EPB41: variants seen among roughly 807,000 people sequenced by gnomAD.
The protein encoded by EPB41 is protein 4.1.
Under a neutral mutation model 108.0 loss-of-function variants are expected in EPB41, and 65 were observed. The observed-to-expected ratio is 0.60, with a 90% CI of 0.49 to 0.74. The LOEUF is 0.74. Among genes scored for constraint, EPB41 ranks in the 30% least tolerant of loss-of-function variants. EPB41 has a pLI of 0.00. For synonymous variants in EPB41, 336 were observed against 358.9 expected (o/e 0.94, Z 0.72); for missense variants, 875 against 1,037.0 (o/e 0.84, Z 2.15).
Position 29,119,898 on chromosome 1 carries a change from G to C in EPB41, c.*3086G>C, listed in dbSNP as rs1049275841. ...AATAGGAACTCGGGCAGCAGAATCA[G>C]ATTGGCAGAATCTTTAGACTACACA... On this transcript the variant is annotated 3_prime_UTR_variant, in exon 21 of 21. Coordinates refer to ENST00000343067, the MANE Select transcript of EPB41 (RefSeq NM_001376013.1). 1 of 152,644 alleles carries C rather than the reference G, an allele frequency of 6.6e-6. No individual in the cohort carries two copies. The highest frequency in any genetic ancestry group is 2.4e-5 in the African/African-American group (1 of 41,464). The allele number at this position is 152,644 out of a possible 1,614,324, so 9.5% of individuals were successfully genotyped here.
intron 1 of EPB41, among the ~76,000 whole-genome samples, chr1:28,898,743 C>T (rs550707026): frequency 3.1e-4 from 47 of 152,368 alleles, no homozygotes; most frequent in East Asian, 1.2e-3. Flanking sequence ...GCCCCTTGCC[C>T]GCCTTGGCCT....
At chr1:29,048,594 A>G (rs1227049277) in intron 11 of EPB41, among the ~76,000 whole-genome samples, 1 of 152,212 alleles carries the variant, frequency 6.6e-6, no homozygotes. Flanking sequence ...ATTTCTTACA[A>G]CTTAACCTTA....
chr1:28,891,495 C>T (rs942445310), intron 1 of EPB41, among the ~76,000 whole-genome samples: 1 of 152,166 alleles, frequency 6.6e-6, no homozygotes, highest in Non-Finnish European at 1.5e-5. Flanking sequence ...CTGGGTTGGC[C>T]ACTTAACTAG....
At chr1:29,116,462 G>A (rs1399759157) in intron 20 of EPB41, among the ~76,000 whole-genome samples, 2 of 152,000 alleles carry the variant, frequency 1.3e-5, no homozygotes, top group Non-Finnish European at 2.9e-5. Context: ...CCAGTCACAG[G>A]TATCTTTGAG....
At chr1:29,031,570 A>T (rs1461376569) in intron 8 of EPB41, among the ~76,000 whole-genome samples, 2 of 152,144 alleles carry the variant, frequency 1.3e-5, no homozygotes, top group Admixed American at 1.3e-4. Context: ...TTCAGGCCCC[A>T]TCCCAGGCCT....
chr1:29,019,967 C>CGTG (rs2096623831), intron 7 of EPB41, among the ~76,000 whole-genome samples: 1 of 152,166 alleles, frequency 6.6e-6, no homozygotes, highest in South Asian at 2.1e-4. Context: ...TGACTTATTC[C>CGTG]AGTACCAATG....
chr1:29,009,369 C>T (rs1232303253), intron 4 of EPB41, among the ~76,000 whole-genome samples: 1 of 152,104 alleles, frequency 6.6e-6, no homozygotes, highest in South Asian at 2.1e-4. Flanking sequence ...GTAGCTTATA[C>T]CCTGGAGTCT....
At chr1:29,028,115 C>T (rs1359978511) in intron 7 of EPB41, among the ~76,000 whole-genome samples, 1 of 152,148 alleles carries the variant, frequency 6.6e-6, no homozygotes, top group Admixed American at 6.5e-5. Context: ...TGAGCCACCG[C>T]GCCAGGCCTG....
chr1:29,070,634 A>G, intron 16 of EPB41: 1 of 1,232,132 alleles, frequency 8.1e-7, no homozygotes, highest in Non-Finnish European at 1.0e-6. Flanking sequence ...CAGGGTGCTC[A>G]TCTGAAATGT....
chr1:29,003,990 T>C (rs1374401268), intron 4 of EPB41, among the ~76,000 whole-genome samples: 1 of 152,204 alleles, frequency 6.6e-6, no homozygotes, highest in Non-Finnish European at 1.5e-5. Context: ...CTTGAACTCC[T>C]GGCCTCAGGT....
chr1:28,968,981 C>G lies in EPB41; in HGVS notation c.-7-18450C>G, dbSNP rs1006836429. 5.6e-5 allele frequency among the ~76,000 whole-genome samples: 8 copies of G among 143,528 alleles called. 1 individual carries two copies. Among genetic ancestry groups the G allele is most frequent in the African/African-American group, 1.8e-4 (7 of 38,270 alleles). The allele number at this position is 143,528 out of a possible 152,430, so 94.2% of individuals were successfully genotyped here. Reference sequence around the variant, plus strand: ...CTCTGCCTCCAAAACCCCCCACCCCCCAAAAAAAAAACACAAACTAAATGA... The same window carrying G: ...CTCTGCCTCCAAAACCCCCCACCCCGCAAAAAAAAAACACAAACTAAATGA... On this transcript the variant is annotated intron_variant, in intron 1 of 20. Coordinates refer to ENST00000343067, the MANE Select transcript of EPB41 (RefSeq NM_001376013.1).
chr1:28,893,479 G>A (rs2090343177), intron 1 of EPB41: 2 of 152,254 alleles, frequency 1.3e-5, no homozygotes, highest in Admixed American at 1.3e-4. Flanking sequence ...AAGTACAGGG[G>A]CCATGTCTGT....
rs146978686 is a variant in EPB41, at chr1:29,087,661, C to A, written c.2185-10146C>A. Among the ~76,000 whole-genome samples, 3 of 152,234 alleles carry A rather than the reference C, an allele frequency of 2.0e-5. No homozygotes were observed. The East Asian group carries it at 5.8e-4, about 29-fold the overall frequency. On this transcript the variant is annotated intron_variant, in intron 16 of 20. Transcript: ENST00000343067. ...TAGGCGTGAGCCACTGCGCCCGGCC[C>A]ATATCCTGCTTTTAATAATATCTGG... is the stretch of plus-strand genomic sequence containing the variant.
chr1:29,106,259 C>A (rs1374190439), intron 17 of EPB41, among the ~76,000 whole-genome samples: 2 of 151,968 alleles, frequency 1.3e-5, no homozygotes, highest in East Asian at 1.9e-4. Context: ...CTAGAGGGAG[C>A]GGGCAGGAGG....
At position 29,093,331 on chromosome 1, in the gene EPB41, G is replaced by T. The variant is rs948966565; in HGVS notation, c.2185-4476G>T. Among the ~76,000 whole-genome samples the T allele has an allele frequency of 7.2e-5, 11 of 152,082 alleles. No homozygotes were observed. In the East Asian group the frequency reaches 1.7e-3, roughly 24 times the overall value. Reference sequence around the variant, plus strand: ...ATACTGAGCCTTTTTTCTTATGCTTGTTGGCCACATGCATGTCTTCTTTTG... The same window carrying T: ...ATACTGAGCCTTTTTTCTTATGCTTTTTGGCCACATGCATGTCTTCTTTTG... On this transcript the variant is annotated intron_variant, in intron 16 of 20. Transcript: ENST00000343067.
chr1:28,932,459 C>T lies in EPB41; in HGVS notation c.-8+17691C>T, dbSNP rs548023113. Among the ~76,000 whole-genome samples, 8 of 150,108 alleles carry T rather than the reference C, an allele frequency of 5.3e-5. No individual in the cohort carries two copies. The South Asian group carries it at 1.7e-3, about 31-fold the overall frequency. On this transcript the variant is annotated intron_variant, in intron 1 of 20. Transcript: ENST00000343067. ...TCTTTTCTTCCAGGAGCCAAAGCTG[C>T]TGCTTTTTCTCCTTTTTTTTTTTTA...
At chr1:28,943,980 A>G (rs1437518863) in intron 1 of EPB41, among the ~76,000 whole-genome samples, 1 of 152,244 alleles carries the variant, frequency 6.6e-6, no homozygotes, top group Non-Finnish European at 1.5e-5. Context: ...ATCAACAGAT[A>G]AATGGATAAA....
intron 17 of EPB41, among the ~76,000 whole-genome samples, chr1:29,103,943 A>C (rs1666287540): frequency 6.6e-6 from 1 of 152,222 alleles, no homozygotes; most frequent in African/African-American, 2.4e-5. Context: ...CTGGGATTAC[A>C]GGCGTGATCC....
At chr1:29,042,538 G>A (rs2150501608) in intron 11 of EPB41, among the ~76,000 whole-genome samples, 1 of 152,140 alleles carries the variant, frequency 6.6e-6, no homozygotes, top group East Asian at 1.9e-4. Context: ...GAGTGCAGTG[G>A]CACAGTCTCA....
Sources: allele counts gnomAD v4.1 joint callset (sites outside exome capture counted in the v4.1 genomes callset), GRCh38; gene constraint gnomAD v4.1.1; transcripts MANE v1.5; gene names NCBI Gene and HGNC (gene_info 2026-07-23, HGNC 2026-07-21).